Variants in MLIP observed in about 807,000 individuals in gnomAD.
MLIP encodes muscular LMNA interacting protein, also known as muscular LMNA-interacting protein.
MLIP carries 79 observed loss-of-function variants against 84.8 expected under a neutral mutation model. The observed-to-expected ratio is 0.93, with a 90% CI of 0.78 to 1.12. The LOEUF (loss-of-function observed/expected upper bound fraction) is 1.12. Ranked by LOEUF, MLIP falls within the 50% of genes most tolerant of loss-of-function variation. The pLI is 0.00. For synonymous variants in MLIP, 504 were observed against 463.0 expected, an observed-to-expected ratio of 1.09 and a Z score of -1.14; for missense variants, 1,257 against 1,160.6, an observed-to-expected ratio of 1.08 and a Z score of -1.21.
intron 3 of MLIP, among the ~76,000 whole-genome samples, chr6:54,125,521 C>T (rs1029147672): frequency 2.0e-5 from 3 of 152,140 alleles, no homozygotes; most frequent in Non-Finnish European, 4.4e-5. Context: ...AGAAGACCCA[C>T]ATCTGTGATG....
chr6:54,021,651 T>C (rs750356882), intron 1 of MLIP, among the ~76,000 whole-genome samples: 1 of 152,226 alleles, frequency 6.6e-6, no homozygotes, highest in Non-Finnish European at 1.5e-5. Flanking sequence ...CTTTTAAGTA[T>C]TGATTTTTGC....
At chr6:54,241,658 G>A in intron 12 of MLIP, among the ~76,000 whole-genome samples, 1 of 151,934 alleles carries the variant, frequency 6.6e-6, no homozygotes, top group East Asian at 1.9e-4. Flanking sequence ...ATTTATATTA[G>A]AACTATGTTT....
rs771156916 is a variant in MLIP, at chr6:54,026,729, G to GTGTA, written c.63+7641_63+7642insATGT. Among the ~76,000 whole-genome samples, 1,211 of 152,052 alleles carry GTGTA rather than the reference G, an allele frequency of 8.0e-3. 7 individuals carry two copies. Among genetic ancestry groups the GTGTA allele is most frequent in the Non-Finnish European group, 0.014 (935 of 67,954 alleles). On this transcript the variant is annotated intron_variant, in intron 1 of 12. Coordinates refer to the MLIP transcript ENST00000274897. ...CTGTGTCTTCAGTGTGTGTGTGTGT[G>GTGTA]TGTGTGTGTGTGTTGATGGTGACAA...
At chr6:54,174,579 G>T (rs768507258) in intron 9 of MLIP, among the ~76,000 whole-genome samples, 25 of 151,728 alleles carry the variant, frequency 1.6e-4, no homozygotes, top group Admixed American at 3.3e-4. Context: ...ATCTTTTGCC[G>T]ATTTTAAACT....
chr6:54,264,410 A>C (rs930694569), intron 13 of MLIP, among the ~76,000 whole-genome samples: 25 of 152,052 alleles, frequency 1.6e-4, no homozygotes, highest in African/African-American at 6.0e-4. Context: ...GAACAACAAA[A>C]GCAAATATAA....
At chr6:54,147,678 T>G (rs966434950) in intron 4 of MLIP, among the ~76,000 whole-genome samples, 11 of 152,284 alleles carry the variant, frequency 7.2e-5, no homozygotes, top group African/African-American at 2.6e-4. Context: ...CACGTTTTGC[T>G]GAGTGCGTGT....
At chr6:54,036,519 T>G (rs1764451371) in intron 1 of MLIP, among the ~76,000 whole-genome samples, 1 of 152,102 alleles carries the variant, frequency 6.6e-6, no homozygotes, top group African/African-American at 2.4e-5. Context: ...ACACAATAGC[T>G]CTGGAATGGC....
intron 12 of MLIP, among the ~76,000 whole-genome samples, chr6:54,236,284 T>C (rs1781355846): frequency 6.6e-6 from 1 of 152,224 alleles, no homozygotes; most frequent in Non-Finnish European, 1.5e-5. Flanking sequence ...CCCTGCTTTC[T>C]TGCTGTCATG....
At chr6:54,097,617 A>G (rs186129259) in intron 1 of MLIP, among the ~76,000 whole-genome samples, 3 of 152,290 alleles carry the variant, frequency 2.0e-5, no homozygotes, top group African/African-American at 7.2e-5. Context: ...GAAATTACAG[A>G]GAAGAGTTAT....
chr6:54,078,864 G>A (rs148396188), intron 1 of MLIP, among the ~76,000 whole-genome samples: 1,523 of 151,720 alleles, frequency 0.01, 14 homozygotes, highest in Non-Finnish European at 0.014. Context: ...GCTAATTTTT[G>A]CATTTTAGTA....
At chr6:54,232,073 C>T (rs921158814) in intron 12 of MLIP, among the ~76,000 whole-genome samples, 42 of 151,486 alleles carry the variant, frequency 2.8e-4, no homozygotes, top group African/African-American at 1.0e-3. Context: ...TGTTTGTGTC[C>T]CATTCTTGGT....
At chr6:54,142,182 A>G (rs1772374107) in intron 4 of MLIP, among the ~76,000 whole-genome samples, 2 of 152,242 alleles carry the variant, frequency 1.3e-5, no homozygotes, top group East Asian at 1.9e-4. Context: ...TGTATTGATT[A>G]CCTAATAGGT....
intron 4 of MLIP, among the ~76,000 whole-genome samples, chr6:54,138,661 G>C (rs1286840945): frequency 6.6e-6 from 1 of 152,142 alleles, no homozygotes; most frequent in Non-Finnish European, 1.5e-5. Context: ...TTTATTAACA[G>C]GGACCCTAGC....
At chr6:54,157,586 G>C (rs879038598) in intron 5 of MLIP, among the ~76,000 whole-genome samples, 5 of 152,080 alleles carry the variant, frequency 3.3e-5, no homozygotes, top group Middle Eastern at 3.4e-3. Context: ...CCCCTTCCCT[G>C]GACTGTGAGT....
At chr6:54,166,942 T>C (rs1315555926) in intron 8 of MLIP, among the ~76,000 whole-genome samples, 1 of 151,940 alleles carries the variant, frequency 6.6e-6, no homozygotes, top group Admixed American at 6.6e-5. Context: ...GCTCTTTCAT[T>C]TGCTCAAGGC....
intron 13 of MLIP, among the ~76,000 whole-genome samples, chr6:54,265,291 C>A (rs1170913171): frequency 6.6e-6 from 1 of 152,076 alleles, no homozygotes; most frequent in African/African-American, 2.4e-5. Flanking sequence ...TTCACAGTTG[C>A]CAATAGCCAT....
Position 54,066,087 on chromosome 6 carries a change from AT to A in MLIP, c.63+47001del, listed in dbSNP as rs1766215315. The stretch of plus-strand genomic sequence containing the variant: ...ATTTCTGCTTAAATCTTGTTTAATG[AT>A]TTTTCTATTGACAATTTGAACTGTT... On this transcript the variant is annotated intron_variant, in intron 1 of 12. Transcript: ENST00000274897. Among the ~76,000 whole-genome samples the A allele has an allele frequency of 2.0e-5, 2 of 99,316 alleles. 1 individual carries two copies. The highest frequency in any genetic ancestry group is 6.9e-4 in the South Asian group (2 of 2,886). The allele number at this position is 99,316 out of a possible 152,430, so 65.2% of individuals were successfully genotyped here.
chr6:54,127,880 A>G (rs759925368), intron 3 of MLIP, among the ~76,000 whole-genome samples: 23 of 152,182 alleles, frequency 1.5e-4, no homozygotes, highest in Non-Finnish European at 2.2e-4. Context: ...TTCAGAAAAA[A>G]GAGACTTGAA....
chr6:54,249,676 A>C (rs892291882), intron 12 of MLIP, among the ~76,000 whole-genome samples: 23 of 151,402 alleles, frequency 1.5e-4, no homozygotes, highest in Non-Finnish European at 3.4e-4. Context: ...AGCAGCTTGC[A>C]GTCTTTTGGG....
Sources: allele counts gnomAD v4.1 joint callset (sites outside exome capture counted in the v4.1 genomes callset), GRCh38; gene constraint gnomAD v4.1.1; transcripts MANE v1.5; gene names NCBI Gene and HGNC (gene_info 2026-07-23, HGNC 2026-07-21).